Variants in OR52L1 observed in about 807,000 individuals in gnomAD.
The protein encoded by OR52L1 is olfactory receptor family 52 subfamily L member 1, also known as olfactory receptor 52L1.
Under a neutral mutation model 16.1 loss-of-function variants are expected in OR52L1, and 15 were observed. The ratio of observed to expected loss-of-function variants is 0.93; its 90% CI spans 0.62 to 1.44. The LOEUF is 1.44. Among genes scored for constraint, OR52L1 ranks in the 40% most tolerant of loss-of-function variants. The pLI, the probability that OR52L1 is intolerant of heterozygous loss-of-function variation, is 0.00. For missense variants in OR52L1, 406 were observed against 402.3 expected (o/e 1.01, Z -0.08); for synonymous variants, 166 against 159.2 (o/e 1.04, Z -0.32).
Position 5,986,636 on chromosome 11 carries a change from C to T in OR52L1, c.295G>A (p.Ala99Thr), listed in dbSNP as rs372395672. 87 of 1,613,788 alleles carry T rather than the reference C, an allele frequency of 5.4e-5. No homozygotes were observed. The African/African-American group carries it at 1.1e-3, about 21-fold the overall frequency. ...LVLASSTAPK[A>T]LAVLLVHAHE... ...GCATGAACCAGGAGCACTGCAAGGG[C>T]TTTGGGTGCAGTGGAGGAGGCCAGA... Residue 99 changes from alanine (A) to threonine (T), a missense_variant, in exon 1 of 1, where the codon GCC (alanine) becomes ACC (threonine). Transcript: ENST00000332249.
Position 5,986,347 on chromosome 11 carries a change from G to T in OR52L1, c.584C>A (p.Ala195Asp). 1 of 1,613,962 alleles carries T rather than the reference G, an allele frequency of 6.2e-7. No individual in the cohort carries two copies. Among genetic ancestry groups the T allele is most frequent in the Non-Finnish European group, 8.5e-7 (1 of 1,179,868 alleles). The change falls in exon 1 of 1, where the codon GCC becomes GAC. Residue 195 changes from alanine to aspartate, a missense_variant. By Grantham distance (126) the Ala-to-Asp change is moderately radical. Coordinates refer to ENST00000332249, the MANE Select transcript of OR52L1 (RefSeq NM_001005173.3). ...CACAACAGCCATATGTTCACAATAG[G>T]CATGGCCTATGATGGTGGCTTGGCA... ...IFCQATIIGH[A>D]YCEHMAVVKL...
In OR52L1 at chr11:5,985,920, A is replaced by T. The variant is rs763735644; in HGVS notation, c.*21T>A. The T allele has an allele frequency of 6.3e-7, 1 of 1,575,120 alleles. No homozygotes were observed. The highest frequency in any genetic ancestry group is 1.8e-5 in the Admixed American group (1 of 54,378). ...GTCCGCAGAAGAAGCCTCCGAAGGA[A>T]ACAATGAGAATATGTTCAGATCAAT... On this transcript the variant is annotated 3_prime_UTR_variant, in exon 1 of 1. Transcript: ENST00000332249.
rs1474672409 is a variant in OR52L1, at chr11:5,985,993, T to C, written c.938A>G (p.Lys313Arg). The change falls in exon 1 of 1, where the codon AAG becomes AGG. Residue 313 changes from lysine (K) to arginine (R), a missense_variant. Transcript: ENST00000332249. Reference protein sequence around the residue: ...PALNPLVYGVKTQQIRQRVLR... With the variant: ...PALNPLVYGVRTQQIRQRVLR... ...CACTCGCTGGCGGATCTGCTGAGTCTTCACTCCATAGACAAGAGGATTGAG... is the reference window on the plus strand; with the variant it reads ...CACTCGCTGGCGGATCTGCTGAGTCCTCACTCCATAGACAAGAGGATTGAG... The C allele has an allele frequency of 6.2e-7, 1 of 1,612,592 alleles. No individual in the cohort carries two copies.
Position 5,986,335 on chromosome 11 carries a change from T to A in OR52L1, c.596A>T (p.His199Leu), listed in dbSNP as rs748739685. Residue 199 changes from histidine to leucine, a missense_variant, in exon 1 of 1, where the codon CAT becomes CTT. Physicochemically the swap from His to Leu is moderately conservative, Grantham distance 99 (BLOSUM62 -3). Transcript: ENST00000332249. ...GCAGGCAAGTTTCACAACAGCCATATGTTCACAATAGGCATGGCCTATGAT... is the reference window on the plus strand; with the variant it reads ...GCAGGCAAGTTTCACAACAGCCATAAGTTCACAATAGGCATGGCCTATGAT... ...ATIIGHAYCEHMAVVKLACSE... is the reference protein window; with the variant it reads ...ATIIGHAYCELMAVVKLACSE... 2 of 1,613,908 alleles carry A rather than the reference T, an allele frequency of 1.2e-6. No individual in the cohort carries two copies. Among genetic ancestry groups the A allele is most frequent in the African/African-American group, 2.7e-5 (2 of 74,932 alleles).
chr11:5,986,815 T>C lies in OR52L1; in HGVS notation c.116A>G (p.Glu39Gly). 1.9e-6 allele frequency: 3 copies of C among 1,614,000 alleles called. No homozygotes were observed. In the South Asian group the frequency reaches 3.3e-5, roughly 18 times the overall value. The change falls in exon 1 of 1, where the codon GAG (glutamate) becomes GGG (glycine). Residue 39 changes from glutamate to glycine, a missense_variant. Physicochemically the swap from Glu to Gly is moderately conservative, Grantham distance 98. Transcript: ENST00000332249. ...CAGTGCAATCCAGTGCTGGCTTTCC[T>C]CTAAACCTGGAATCCCTACCAGGAG... is the stretch of plus-strand genomic sequence containing the variant. ...SFLLVGIPGLEESQHWIALPL... is the reference protein window; with the variant it reads ...SFLLVGIPGLGESQHWIALPL...
Position 5,986,417 on chromosome 11 carries a change from G to T in OR52L1, c.514C>A (p.Leu172Ile), listed in dbSNP as rs1346122333. 1 of 1,613,808 alleles carries T rather than the reference G, an allele frequency of 6.2e-7. No individual in the cohort carries two copies. Among genetic ancestry groups the T allele is most frequent in the Non-Finnish European group, 8.5e-7 (1 of 1,179,676 alleles). Residue 172 changes from leucine (L) to isoleucine (I), a missense_variant, in exon 1 of 1, where the codon CTA (leucine) becomes ATA (isoleucine). Leu to Ile is a conservative substitution (Grantham distance 5, BLOSUM62 2). Coordinates refer to ENST00000332249, the MANE Select transcript of OR52L1 (RefSeq NM_001005173.3). ...AAAATGGGGAAGGGGATAAGGAGTA[G>T]TAATCCCCTCACCAGCACCACCATT... ...IGMVVLVRGL[L>I]LLIPFPILLG...
rs1415232083 is a variant in OR52L1 at position 5,986,728 on chromosome 11, C to T, written c.203G>A (p.Trp68Ter). The change falls in exon 1 of 1, where the codon TGG (tryptophan) becomes TAG (stop). Residue 68 changes from tryptophan (W) to a stop codon, truncating the protein, a stop_gained. Transcript: ENST00000332249. LOFTEE classifies it high-confidence loss of function. ...VGNVTILFII[W>*]MDPSLHQSMY... ...AGATTGGTGCAAGGATGGGTCCATC[C>T]AGATGATGAAGAGAATGGTAACATT... is the stretch of plus-strand genomic sequence containing the variant. The T allele has an allele frequency of 6.2e-7, 1 of 1,613,928 alleles. No individual in the cohort carries two copies. Among genetic ancestry groups the T allele is most frequent in the East Asian group, 2.2e-5 (1 of 44,870 alleles).
At position 5,986,284 on chromosome 11, in the gene OR52L1, T is replaced by C. The variant is rs368969338; in HGVS notation, c.647A>G (p.Tyr216Cys). The stretch of plus-strand genomic sequence containing the variant: ...CACAAGCAAGGCCATAGTCAGCCCA[T>C]AAGCTCGATTGACTGTGGTTTCTGA... ...ACSETTVNRAYGLTMALLVIG... is the reference protein window; with the variant it reads ...ACSETTVNRACGLTMALLVIG... Residue 216 changes from tyrosine to cysteine, a missense_variant, in exon 1 of 1, where the codon TAT (tyrosine) becomes TGT (cysteine). Coordinates refer to ENST00000332249, the MANE Select transcript of OR52L1 (RefSeq NM_001005173.3). 6.2e-7 allele frequency: 1 copy of C among 1,613,830 alleles called. No homozygotes were observed. The highest frequency in any genetic ancestry group is 8.5e-7 in the Non-Finnish European group (1 of 1,179,874).
At position 5,986,880 on chromosome 11, in the gene OR52L1, G is replaced by T. The variant is rs758339164; in HGVS notation, c.51C>A (p.Leu17=). Residue 17 remains leucine (L), a synonymous_variant, in exon 1 of 1, where the codon CTC becomes CTA. Coordinates refer to ENST00000332249, the MANE Select transcript of OR52L1 (RefSeq NM_001005173.3). Reference sequence around the variant, plus strand: ...ATAGCCTCCAGCTTGAATTGCTAAGGAGCATTATCAATGGCTTGGAGAGGA... The same window carrying T: ...ATAGCCTCCAGCTTGAATTGCTAAGTAGCATTATCAATGGCTTGGAGAGGA... ...FSFLSKPLIM[L]LSNSSWRLSQ... is the part of the protein sequence containing the mutation. The T allele has an allele frequency of 3.1e-6, 5 of 1,613,750 alleles. No homozygotes were observed. The South Asian group carries it at 5.5e-5, about 18-fold the overall frequency.
rs201141737 is a variant in OR52L1 at position 5,986,195 on chromosome 11, C to T, written c.736G>A (p.Val246Ile). The T allele has an allele frequency of 4.4e-5, 71 of 1,613,844 alleles. No homozygotes were observed. In the Admixed American group the frequency reaches 1.2e-3, roughly 27 times the overall value. Residue 246 changes from valine to isoleucine, a missense_variant, in exon 1 of 1, where the codon GTA becomes ATA. By Grantham distance (29) the Val-to-Ile change is conservative. Coordinates refer to ENST00000332249, the MANE Select transcript of OR52L1 (RefSeq NM_001005173.3). The stretch of plus-strand genomic sequence containing the variant: ...TTAAGTCGGGCCTCACTCCCTGGTA[C>T]CTTCAGCACTGCCTGGAGGATGTGG... ...YAHILQAVLK[V>I]PGSEARLKAF...
chr11:5,986,851 TG>T lies in OR52L1; in HGVS notation c.79del (p.Gln27SerfsTer7). 1 of 1,613,940 alleles carries T rather than the reference TG, an allele frequency of 6.2e-7. No homozygotes were observed. Among genetic ancestry groups the T allele is most frequent in the African/African-American group, 1.3e-5 (1 of 75,056 alleles). ...AATCCCTACCAGGAGAAAAGAAGGC[TG>T]GGATAGCCTCCAGCTTGAATTGCTA... ...LLSNSSWRLS[Q>X]PSFLLVGIPG... On this transcript the variant is annotated frameshift_variant, in exon 1 of 1. Coordinates refer to ENST00000332249, the MANE Select transcript of OR52L1 (RefSeq NM_001005173.3). LOFTEE classifies it high-confidence loss of function.
In OR52L1 at chr11:5,986,801, A is replaced by G; in HGVS notation, c.130T>C (p.Trp44Arg). ...AGGATGCCCAGGGGCAGTGCAATCC[A>G]GTGCTGGCTTTCCTCTAAACCTGGA... Reference protein sequence around the residue: ...GIPGLEESQHWIALPLGILYL... With the variant: ...GIPGLEESQHRIALPLGILYL... The change falls in exon 1 of 1, where the codon TGG (tryptophan) becomes CGG (arginine). Residue 44 changes from tryptophan (W) to arginine (R), a missense_variant. Physicochemically the swap from Trp to Arg is moderately radical, Grantham distance 101. Coordinates refer to ENST00000332249, the MANE Select transcript of OR52L1 (RefSeq NM_001005173.3). 2 of 1,614,066 alleles carry G rather than the reference A, an allele frequency of 1.2e-6. No individual in the cohort carries two copies. The highest frequency in any genetic ancestry group is 2.2e-5 in the East Asian group (1 of 44,888).
At position 5,986,527 on chromosome 11, in the gene OR52L1, G is replaced by T; in HGVS notation, c.404C>A (p.Ala135Asp). 6.8e-6 allele frequency: 11 copies of T among 1,613,918 alleles called. No individual in the cohort carries two copies. The highest frequency in any genetic ancestry group is 1.6e-4 in the Middle Eastern group (1 of 6,062). ...GGCTACATAGCGATCCAGAGCCATGGCCACAAGTACCCCTGACTCCATGGA... is the reference window on the plus strand; with the variant it reads ...GGCTACATAGCGATCCAGAGCCATGTCCACAAGTACCCCTGACTCCATGGA... ...FSSMESGVLV[A>D]MALDRYVAIC... Residue 135 changes from alanine (A) to aspartate (D), a missense_variant, in exon 1 of 1, where the codon GCC becomes GAC. Ala to Asp is a moderately radical substitution (Grantham distance 126, BLOSUM62 -2). Coordinates refer to ENST00000332249, the MANE Select transcript of OR52L1 (RefSeq NM_001005173.3).
chr11:5,986,853 G>C lies in OR52L1; in HGVS notation c.78C>G (p.Ser26=), dbSNP rs1848123496. Residue 26 remains serine (S), a synonymous_variant, in exon 1 of 1, where the codon TCC becomes TCG. Coordinates refer to ENST00000332249, the MANE Select transcript of OR52L1 (RefSeq NM_001005173.3). The stretch of plus-strand genomic sequence containing the variant: ...TCCCTACCAGGAGAAAAGAAGGCTG[G>C]GATAGCCTCCAGCTTGAATTGCTAA... The part of the protein sequence containing the change: ...MLLSNSSWRL[S]QPSFLLVGIP... 1 of 1,613,740 alleles carries C rather than the reference G, an allele frequency of 6.2e-7. No individual in the cohort carries two copies. The highest frequency in any genetic ancestry group is 1.3e-5 in the African/African-American group (1 of 74,926).
Position 5,986,584 on chromosome 11 carries a change from A to G in OR52L1, c.347T>C (p.Leu116Pro). 6.2e-7 allele frequency: 1 copy of G among 1,614,018 alleles called. No individual in the cohort carries two copies. The highest frequency in any genetic ancestry group is 8.5e-7 in the Non-Finnish European group (1 of 1,179,906). Residue 116 changes from leucine to proline, a missense_variant, in exon 1 of 1, where the codon CTG becomes CCG. By Grantham distance (98) the Leu-to-Pro change is moderately conservative. Transcript: ENST00000332249. ...HAHEIGYIVC[L>P]IQMFFIHAFS... ...TGCATGGATGAAGAACATCTGGATCAGGCAGACGATGTACCCAATCTCGTG... is the reference window on the plus strand; with the variant it reads ...TGCATGGATGAAGAACATCTGGATCGGGCAGACGATGTACCCAATCTCGTG...
chr11:5,986,790 C>T lies in OR52L1; in HGVS notation c.141G>A (p.Leu47=), dbSNP rs1456708457. Residue 47 remains leucine, a synonymous_variant, in exon 1 of 1, where the codon CTG becomes CTA. Coordinates refer to ENST00000332249, the MANE Select transcript of OR52L1 (RefSeq NM_001005173.3). ...CAAGGAGGTAAAGGATGCCCAGGGG[C>T]AGTGCAATCCAGTGCTGGCTTTCCT... ...GLEESQHWIA[L]PLGILYLLAL... 2 of 1,614,024 alleles carry T rather than the reference C, an allele frequency of 1.2e-6. No homozygotes were observed. The highest frequency in any genetic ancestry group is 1.7e-6 in the Non-Finnish European group (2 of 1,179,876).
chr11:5,985,971 TC>T lies in OR52L1; in HGVS notation c.959del (p.Arg320GlnfsTer?), dbSNP rs1848111419. ...YGVKTQQIRQ[R>X]VLRVFTQKD is the part of the protein sequence containing the mutation. The stretch of plus-strand genomic sequence containing the variant: ...CCTTTTGTGTAAACACTCTGAGCAC[TC>T]GCTGGCGGATCTGCTGAGTCTTCAC... On this transcript the variant is annotated frameshift_variant, in exon 1 of 1. Coordinates refer to ENST00000332249, the MANE Select transcript of OR52L1 (RefSeq NM_001005173.3). LOFTEE classifies it high-confidence loss of function. 3 of 1,610,818 alleles carry T rather than the reference TC, an allele frequency of 1.9e-6. No homozygotes were observed. Among genetic ancestry groups the T allele is most frequent in the Non-Finnish European group, 2.5e-6 (3 of 1,178,382 alleles).
rs753270658 is a variant in OR52L1, at chr11:5,986,415, T to G, written c.516A>C (p.Leu172=). 6.2e-7 allele frequency: 1 copy of G among 1,613,322 alleles called. No homozygotes were observed. The highest frequency in any genetic ancestry group is 1.1e-5 in the South Asian group (1 of 91,044). The part of the protein sequence containing the change: ...IGMVVLVRGL[L]LLIPFPILLG... ...ACAAAATGGGGAAGGGGATAAGGAG[T>G]AGTAATCCCCTCACCAGCACCACCA... The change falls in exon 1 of 1, where the codon CTA becomes CTC. Residue 172 remains leucine, a synonymous_variant. Transcript: ENST00000332249.
chr11:5,986,378 T>C lies in OR52L1; in HGVS notation c.553A>G (p.Ile185Val). ...IPFPILLGTL[I>V]FCQATIIGHA... ...CCTATGATGGTGGCTTGGCAGAAGATAAGTGTTCCCAACAAAATGGGGAAG... is the reference window on the plus strand; with the variant it reads ...CCTATGATGGTGGCTTGGCAGAAGACAAGTGTTCCCAACAAAATGGGGAAG... The change falls in exon 1 of 1, where the codon ATC becomes GTC. Residue 185 changes from isoleucine (I) to valine (V), a missense_variant. Transcript: ENST00000332249. 1.2e-6 allele frequency: 2 copies of C among 1,613,920 alleles called. No individual in the cohort carries two copies. Among genetic ancestry groups the C allele is most frequent in the South Asian group, 2.2e-5 (2 of 91,082 alleles).
Sources: gnomAD v4.1 joint callset for allele counts on GRCh38, gnomAD v4.1.1 for gene constraint, MANE v1.5 for transcripts, NCBI Gene and HGNC (gene_info 2026-07-23, HGNC 2026-07-21) for gene names.